The following HMGCLL1 variants were observed in gnomAD, a reference collection of about 807,000 sequenced individuals.
HMGCLL1 encodes 3-hydroxymethyl-3-methylglutaryl-CoA lyase, cytoplasmic.
In HMGCLL1, 36 loss-of-function variants were observed where a neutral mutation model predicts 39.1. The ratio of observed to expected loss-of-function variants is 0.92; its 90% CI spans 0.71 to 1.22. HMGCLL1 has a LOEUF of 1.22. Among genes scored for constraint, HMGCLL1 ranks in the 50% most tolerant of loss-of-function variants. The pLI is 0.00. For missense variants in HMGCLL1, 451 were observed against 416.5 expected (o/e 1.08, Z -0.72); for synonymous variants, 149 against 144.0 (o/e 1.03, Z -0.25).
At chr6:55,438,133 T>C (rs1763443560) in intron 8 of HMGCLL1, among the ~76,000 whole-genome samples, 1 of 152,074 alleles carries the variant, frequency 6.6e-6, no homozygotes, top group Non-Finnish European at 1.5e-5. Context: ...GATTCAGTCA[T>C]CTAAATTTCT....
At position 55,495,553 on chromosome 6, in the gene HMGCLL1, T is replaced by C. The variant is rs372806502; in HGVS notation, c.661A>G (p.Ile221Val). The stretch of plus-strand genomic sequence containing the variant: ...ATACTTCCTGGAGTTCCCACTCCAA[T>C]TGTGTCTCCTAGAGAGATCTCATAA... ...GCYEISLGDT[I>V]GVGTPGSMKR... Residue 221 changes from isoleucine (I) to valine (V), a missense_variant, in exon 7 of 9, where the codon ATT (isoleucine) becomes GTT (valine). Physicochemically the swap from Ile to Val is conservative, Grantham distance 29. Transcript: ENST00000274901. The C allele has an allele frequency of 4.3e-5, 70 of 1,613,468 alleles. No individual in the cohort carries two copies. The highest frequency in any genetic ancestry group is 5.7e-5 in the Non-Finnish European group (67 of 1,179,584).
intron 1 of HMGCLL1, chr6:55,577,219 A>G: frequency 6.6e-7 from 1 of 1,523,360 alleles, no homozygotes; most frequent in Non-Finnish European, 8.8e-7. Flanking sequence ...TGCTGCTGTG[A>G]GTTCAATTAC....
At chr6:55,543,461 CATATATATCATATATAATATATATATG>C (rs1769731882) in intron 1 of HMGCLL1, among the ~76,000 whole-genome samples, 1 of 91,094 alleles carries the variant, frequency 1.1e-5, no homozygotes, top group Non-Finnish European at 1.9e-5. Context: ...TGATATATAT[CATATATATCATATATAATATATATATG>C]ATATATATCA....
At chr6:55,532,804 CATAATA>C (rs201080387) in intron 3 of HMGCLL1, among the ~76,000 whole-genome samples, 12,868 of 71,072 alleles carry the variant, frequency 0.18, 637 homozygotes, top group Middle Eastern at 0.28. Context: ...CTGTCTCAAA[CATAATA>C]ATAATAATAA....
the HMGCLL1 span, among the ~76,000 whole-genome samples, chr6:55,623,552 A>G: frequency 2.6e-5 from 4 of 151,758 alleles, no homozygotes; most frequent in African/African-American, 4.8e-5. Flanking sequence ...TTATATACAT[A>G]CACATATATA....
the HMGCLL1 span, among the ~76,000 whole-genome samples, chr6:55,586,820 A>G: frequency 6.6e-6 from 1 of 152,044 alleles, no homozygotes; most frequent in East Asian, 1.9e-4. Context: ...GTTGGTTCCA[A>G]GTCTTTGCTA....
the HMGCLL1 span, among the ~76,000 whole-genome samples, chr6:55,620,323 G>T: frequency 6.6e-6 from 1 of 151,848 alleles, no homozygotes; most frequent in African/African-American, 2.4e-5. Context: ...AGTGTACCAG[G>T]GTTCCCTTTT....
chr6:55,662,163 T>G, the HMGCLL1 span, among the ~76,000 whole-genome samples: 6 of 151,646 alleles, frequency 4.0e-5, no homozygotes, highest in African/African-American at 1.5e-4. Context: ...TTCCTTCCCC[T>G]TTGGATGCCC....
intron 1 of HMGCLL1, among the ~76,000 whole-genome samples, chr6:55,569,719 TACTA>T (rs1771382431): frequency 6.6e-6 from 1 of 152,152 alleles, no homozygotes; most frequent in African/African-American, 2.4e-5. Flanking sequence ...AAGCAACTCA[TACTA>T]AATAATATAT....
At chr6:55,484,038 G>T (rs1765878292) in intron 7 of HMGCLL1, among the ~76,000 whole-genome samples, 1 of 152,098 alleles carries the variant, frequency 6.6e-6, no homozygotes, top group South Asian at 2.1e-4. Context: ...CTTGCACCTT[G>T]AATAAAAATA....
At chr6:55,524,458 G>T (rs1246905221) in intron 3 of HMGCLL1, among the ~76,000 whole-genome samples, 3 of 82,694 alleles carry the variant, frequency 3.6e-5, no homozygotes, top group African/African-American at 1.4e-4. Context: ...GGCATTTATA[G>T]TCTTTAAAAA....
chr6:55,589,172 C>T, the HMGCLL1 span, among the ~76,000 whole-genome samples: 1 of 152,154 alleles, frequency 6.6e-6, no homozygotes, highest in Non-Finnish European at 1.5e-5. Context: ...TACTGGCAAA[C>T]CGAATCCAGC....
chr6:55,586,208 T>C, the HMGCLL1 span, among the ~76,000 whole-genome samples: 1 of 151,984 alleles, frequency 6.6e-6, no homozygotes, highest in Non-Finnish European at 1.5e-5. Flanking sequence ...TTTAGAATCA[T>C]AGAAGTAAAG....
intron 7 of HMGCLL1, among the ~76,000 whole-genome samples, chr6:55,449,496 A>G (rs1357679292): frequency 6.6e-6 from 1 of 152,222 alleles, no homozygotes; most frequent in Non-Finnish European, 1.5e-5. Context: ...GTGAGAAACA[A>G]ACATCTATGT....
chr6:55,669,557 G>T, the HMGCLL1 span, among the ~76,000 whole-genome samples: 1 of 151,710 alleles, frequency 6.6e-6, no homozygotes, highest in Non-Finnish European at 1.5e-5. Flanking sequence ...TAACACAGAT[G>T]AAAAAGGCTT....
At chr6:55,559,451 A>C (rs1770829361) in intron 1 of HMGCLL1, among the ~76,000 whole-genome samples, 1 of 152,136 alleles carries the variant, frequency 6.6e-6, no homozygotes, top group Non-Finnish European at 1.5e-5. Context: ...ATTTCTGGAC[A>C]ATGGAGTGAA....
At chr6:55,596,830 G>A in the HMGCLL1 span, among the ~76,000 whole-genome samples, 10 of 152,228 alleles carry the variant, frequency 6.6e-5, no homozygotes, top group South Asian at 1.2e-3. Flanking sequence ...TGCCAAGTTA[G>A]CATTTTACAT....
At chr6:55,609,105 G>C in the HMGCLL1 span, among the ~76,000 whole-genome samples, 1 of 152,192 alleles carries the variant, frequency 6.6e-6, no homozygotes, top group Non-Finnish European at 1.5e-5. Context: ...GGGGCCTTGC[G>C]TCCCAATCAC....
At chr6:55,651,298 T>C in the HMGCLL1 span, among the ~76,000 whole-genome samples, 1 of 152,148 alleles carries the variant, frequency 6.6e-6, no homozygotes, top group East Asian at 1.9e-4. Flanking sequence ...GAAGTGCAGC[T>C]CCAGTAGTGG....
Sources: allele counts gnomAD v4.1 joint callset (sites outside exome capture counted in the v4.1 genomes callset), GRCh38; gene constraint gnomAD v4.1.1; transcripts MANE v1.5; gene names NCBI Gene and HGNC (gene_info 2026-07-23, HGNC 2026-07-21).